UBE2H: variants seen among roughly 807,000 people sequenced by gnomAD.
UBE2H encodes ubiquitin-conjugating enzyme E2 H.
UBE2H carries 3 observed loss-of-function variants against 29.0 expected under a neutral mutation model. The observed-to-expected ratio is 0.10, with a 90% CI of 0.05 to 0.27. The LOEUF (loss-of-function observed/expected upper bound fraction) is 0.27. Ranked by LOEUF, UBE2H falls within the 10% of genes least tolerant of loss-of-function variation. UBE2H has a pLI of 1.00. For synonymous variants in UBE2H, 69 were observed against 82.9 expected (o/e 0.83, Z 0.91); for missense variants, 68 against 228.2 (o/e 0.30, Z 4.52).
intron 3 of UBE2H, among the ~76,000 whole-genome samples, chr7:129,876,376 T>C (rs1008871967): frequency 1.1e-4 from 17 of 152,204 alleles, no homozygotes; most frequent in Non-Finnish European, 1.8e-4. Flanking sequence ...GCAGTATTGC[T>C]AAGCACTCTA....
intron 1 of UBE2H, among the ~76,000 whole-genome samples, chr7:129,890,004 G>A (rs561984018): frequency 2.6e-5 from 4 of 152,136 alleles, no homozygotes; most frequent in South Asian, 2.1e-4. Context: ...AGGGTGGTAC[G>A]AGCCTGTAGT....
At chr7:129,855,780 C>T (rs1805693990) in intron 5 of UBE2H, among the ~76,000 whole-genome samples, 1 of 151,992 alleles carries the variant, frequency 6.6e-6, no homozygotes, top group Admixed American at 6.6e-5. Flanking sequence ...ACCTATAGTC[C>T]CAGCTACTGG....
At chr7:129,919,648 C>T (rs796074133) in intron 1 of UBE2H, among the ~76,000 whole-genome samples, 3 of 152,196 alleles carry the variant, frequency 2.0e-5, no homozygotes, top group African/African-American at 7.2e-5. Context: ...CCCCATTTCC[C>T]TAGGCAGGCT....
intron 3 of UBE2H, among the ~76,000 whole-genome samples, chr7:129,873,017 A>G (rs1289826674): frequency 6.7e-6 from 1 of 149,808 alleles, no homozygotes; most frequent in Non-Finnish European, 1.5e-5. Flanking sequence ...AATATAGCTC[A>G]GAGTTTTTTT....
intron 1 of UBE2H, among the ~76,000 whole-genome samples, chr7:129,919,663 A>G (rs554518916): frequency 3.9e-5 from 6 of 152,252 alleles, no homozygotes; most frequent in Admixed American, 3.3e-4. Flanking sequence ...CAGGCTGCAC[A>G]TTGCACCCCG....
rs566119789 is a variant in UBE2H, at chr7:129,887,697, T to C, written c.54-6726A>G. Among the ~76,000 whole-genome samples the C allele has an allele frequency of 3.0e-5, 4 of 134,132 alleles. No homozygotes were observed. In the East Asian group the frequency reaches 8.5e-4, roughly 28 times the overall value. The allele number at this position is 134,132 out of a possible 152,430, so 88.0% of individuals were successfully genotyped here. On this transcript the variant is annotated intron_variant, in intron 1 of 6. Transcript: ENST00000355621. ...CTCACACCTCCTGAGGTCGGGAGTT[T>C]GAGACCAGCCTGACCAGCATGGAGA...
intron 5 of UBE2H, among the ~76,000 whole-genome samples, chr7:129,849,048 A>C (rs928028476): frequency 6.6e-6 from 1 of 152,154 alleles, no homozygotes; most frequent in Non-Finnish European, 1.5e-5. Context: ...TCCTGCTTGC[A>C]GTCTGTAAAC....
At chr7:129,837,260 T>A (rs1173851245) in intron 6 of UBE2H, among the ~76,000 whole-genome samples, 4 of 152,056 alleles carry the variant, frequency 2.6e-5, no homozygotes, top group Non-Finnish European at 4.4e-5. Flanking sequence ...GTGAAACAGC[T>A]CCTCAGGGAT....
intron 1 of UBE2H, among the ~76,000 whole-genome samples, chr7:129,944,563 C>G (rs1320577526): frequency 6.6e-6 from 1 of 152,056 alleles, no homozygotes; most frequent in Non-Finnish European, 1.5e-5. Flanking sequence ...TGAGACCAGC[C>G]TGGCCAACAG....
intron 1 of UBE2H, among the ~76,000 whole-genome samples, chr7:129,927,212 G>A (rs1584790944): frequency 6.6e-6 from 1 of 152,182 alleles, no homozygotes. Flanking sequence ...ATAGAATTCA[G>A]TAACTTTTTT....
intron 1 of UBE2H, among the ~76,000 whole-genome samples, chr7:129,918,483 G>C (rs1167160083): frequency 6.6e-6 from 1 of 151,486 alleles, no homozygotes. Flanking sequence ...TCAACCTCCT[G>C]AGTAGCTGGG....
chr7:129,936,366 G>A (rs1584797112), intron 1 of UBE2H, among the ~76,000 whole-genome samples: 2 of 151,866 alleles, frequency 1.3e-5, no homozygotes, highest in Middle Eastern at 6.9e-3. Flanking sequence ...AGGCCGAGGC[G>A]GGCAGATCAC....
intron 6 of UBE2H, among the ~76,000 whole-genome samples, chr7:129,835,323 T>G (rs536199791): frequency 6.6e-6 from 1 of 152,304 alleles, no homozygotes; most frequent in African/African-American, 2.4e-5. Context: ...GGGGAATGTG[T>G]GTGCTGCAGC....
At chr7:129,939,250 T>C (rs541294812) in intron 1 of UBE2H, among the ~76,000 whole-genome samples, 1 of 152,184 alleles carries the variant, frequency 6.6e-6, no homozygotes, top group East Asian at 1.9e-4. Context: ...GGCACAGTCA[T>C]TGTACACTAC....
At chr7:129,885,768 G>A (rs543383563) in intron 1 of UBE2H, among the ~76,000 whole-genome samples, 14 of 152,256 alleles carry the variant, frequency 9.2e-5, no homozygotes, top group Admixed American at 3.9e-4. Flanking sequence ...GGAATGGACA[G>A]GCACTAAATG....
rs546460615 is a variant in UBE2H, at chr7:129,929,578, T to C, written c.53+22925A>G. Among the ~76,000 whole-genome samples, 33 of 152,278 alleles carry C rather than the reference T, an allele frequency of 2.2e-4. No individual in the cohort carries two copies. In the South Asian group the frequency reaches 5.6e-3, roughly 26 times the overall value. On this transcript the variant is annotated intron_variant, in intron 1 of 6. Coordinates refer to ENST00000355621, the MANE Select transcript of UBE2H (RefSeq NM_003344.4). ...TGGGAAAAAAAGGTCTCAGAATCTA[T>C]AAAATACAAGATAAACCAGACACTG... is the stretch of plus-strand genomic sequence containing the variant.
At chr7:129,891,856 C>T (rs1202673662) in intron 1 of UBE2H, among the ~76,000 whole-genome samples, 1 of 151,256 alleles carries the variant, frequency 6.6e-6, no homozygotes, top group Admixed American at 6.6e-5. Flanking sequence ...AAATGAATTG[C>T]CACAAAACTA....
At chr7:129,840,242 T>C (rs1230137372) in intron 5 of UBE2H, among the ~76,000 whole-genome samples, 1 of 152,072 alleles carries the variant, frequency 6.6e-6, no homozygotes, top group Non-Finnish European at 1.5e-5. Context: ...TTGGAGTGCA[T>C]AGGTGTGATC....
chr7:129,945,332 C>A (rs1288700922), intron 1 of UBE2H, among the ~76,000 whole-genome samples: 1 of 152,228 alleles, frequency 6.6e-6, no homozygotes, highest in Non-Finnish European at 1.5e-5. Flanking sequence ...TTAGATCTAT[C>A]TGCTCATAAA....
Sources: gnomAD v4.1 joint callset for allele counts (sites outside exome capture counted in the v4.1 genomes callset) on GRCh38, gnomAD v4.1.1 for gene constraint, MANE v1.5 for transcripts, NCBI Gene and HGNC (gene_info 2026-07-23, HGNC 2026-07-21) for gene names.